TRIM5: variants seen among roughly 807,000 people sequenced by gnomAD.
TRIM5 encodes tripartite motif containing 5.
A neutral mutation model predicts 35.6 loss-of-function variants in TRIM5; 31 were observed. The ratio of observed to expected loss-of-function variants is 0.87; its 90% CI spans 0.65 to 1.18. The LOEUF (loss-of-function observed/expected upper bound fraction) is 1.18, where lower values mean the gene tolerates loss of function less well. Ranked by LOEUF, TRIM5 falls within the 50% of genes most tolerant of loss-of-function variation. The pLI, the probability that TRIM5 is intolerant of heterozygous loss-of-function variation, is 0.00. For missense variants in TRIM5, 609 were observed against 591.6 expected (o/e 1.03, Z -0.31); for synonymous variants, 243 against 215.6 (o/e 1.13, Z -1.11).
chr11:5,667,728 A>T lies in TRIM5; in HGVS notation c.745-17T>A. The T allele has an allele frequency of 6.2e-7, 1 of 1,613,082 alleles. No homozygotes were observed. Among genetic ancestry groups the T allele is most frequent in the South Asian group, 1.1e-5 (1 of 90,946 alleles). On this transcript the variant is annotated splice_polypyrimidine_tract_variant and intron_variant, in intron 4 of 7. Coordinates refer to ENST00000380034, the MANE Select transcript of TRIM5 (RefSeq NM_033034.3). Reference sequence around the variant, plus strand: ...ATCCACACCCTAGGAAGAAGAGAGAAAACATCAATTAAGAAAGAAAGAGTC... The same window carrying T: ...ATCCACACCCTAGGAAGAAGAGAGATAACATCAATTAAGAAAGAAAGAGTC...
intron 4 of TRIM5, among the ~76,000 whole-genome samples, chr11:5,675,368 G>A (rs1338960745): frequency 6.6e-6 from 1 of 152,164 alleles, no homozygotes; most frequent in Non-Finnish European, 1.5e-5. Flanking sequence ...GAGGAATACA[G>A]CATGAGAAAC....
the TRIM5 span, chr11:5,603,162 T>A: frequency 2.6e-6 from 4 of 1,528,532 alleles, no homozygotes; most frequent in Non-Finnish European, 3.5e-6. Context: ...GTCTGACCTC[T>A]TTATCCAGGA....
rs372260179 is a variant in TRIM5 at position 5,664,527 on chromosome 11, GAAGT to G, written c.*278_*281del. On this transcript the variant is annotated 3_prime_UTR_variant, in exon 8 of 8. Coordinates refer to ENST00000380034, the MANE Select transcript of TRIM5 (RefSeq NM_033034.3). The stretch of plus-strand genomic sequence containing the variant: ...GCAATTGGGTGATAAATATCTGGCA[GAAGT>G]AATACCTAAATAGCGGTCTCATTTT... 4.3e-5 allele frequency: 48 copies of G among 1,118,498 alleles called. No homozygotes were observed. The African/African-American group carries it at 6.3e-4, about 15-fold the overall frequency. 69.3% of individuals were successfully genotyped at this position (1,118,498 alleles called of 1,614,324 possible).
At chr11:5,671,786 C>G (rs1851607431) in intron 4 of TRIM5, among the ~76,000 whole-genome samples, 1 of 148,468 alleles carries the variant, frequency 6.7e-6, no homozygotes, top group South Asian at 2.2e-4. Flanking sequence ...ATGTATGTTG[C>G]TACATTTTCA....
At chr11:5,621,095 A>T in the TRIM5 span, among the ~76,000 whole-genome samples, 1 of 152,190 alleles carries the variant, frequency 6.6e-6, no homozygotes, top group Non-Finnish European at 1.5e-5. Flanking sequence ...ACTCATCCAT[A>T]GCAACTGGAG....
the TRIM5 span, chr11:5,605,705 A>G: frequency 1.9e-6 from 2 of 1,071,370 alleles, no homozygotes; most frequent in Non-Finnish European, 2.6e-6. Flanking sequence ...CCTATCCCCT[A>G]TTAAACTGTT....
chr11:5,666,028 C>G lies in TRIM5; in HGVS notation c.821G>C (p.Arg274Thr), dbSNP rs752893614. 22 of 1,613,496 alleles carry G rather than the reference C, an allele frequency of 1.4e-5. No homozygotes were observed. The East Asian group carries it at 4.0e-4, about 29-fold the overall frequency. Residue 274 changes from arginine to threonine, a missense_variant, in exon 6 of 8, where the codon AGA becomes ACA. Coordinates refer to ENST00000380034, the MANE Select transcript of TRIM5 (RefSeq NM_033034.3). ...KPETFPKNQR[R>T]VFRAPDLKGM... Reference sequence around the variant, plus strand: ...TTTCAGATCAGGAGCTCGAAACACTCTCCTTTGATTTTTTGGAAAAGTTTC... The same window carrying G: ...TTTCAGATCAGGAGCTCGAAACACTGTCCTTTGATTTTTTGGAAAAGTTTC...
rs1850966348 is a variant in TRIM5 at position 5,664,314 on chromosome 11, C to T, written c.*495G>A. On this transcript the variant is annotated 3_prime_UTR_variant, in exon 8 of 8. Transcript: ENST00000380034. ...GAGAGACAGGAGTTGAACTGAGATC[C>T]TCTAGATACAAAACCTCTATACTTA... 1.0e-6 allele frequency: 1 copy of T among 986,378 alleles called. No individual in the cohort carries two copies. The highest frequency in any genetic ancestry group is 1.2e-6 in the Non-Finnish European group (1 of 830,762). The allele number at this position is 986,378 out of a possible 1,614,324, so 61.1% of individuals were successfully genotyped here.
At chr11:5,652,922 G>A in the TRIM5 span, among the ~76,000 whole-genome samples, 1 of 150,314 alleles carries the variant, frequency 6.7e-6, no homozygotes, top group Admixed American at 6.7e-5. Context: ...CGTGATCTCA[G>A]CTCACTGCAA....
In TRIM5 at chr11:5,665,131, A is replaced by G. The variant is rs751901283; in HGVS notation, c.1160T>C (p.Ile387Thr). ...AGGTTGATAATTTTCATTTTTTTCA[A>G]TATTACACATTGCATCAGGTTGGAA... Reference protein sequence around the residue: ...AGFQPDAMCNIEKNENYQPKY... With the variant: ...AGFQPDAMCNTEKNENYQPKY... The change falls in exon 8 of 8, where the codon ATT becomes ACT. Residue 387 changes from isoleucine (I) to threonine (T), a missense_variant. Physicochemically the swap from Ile to Thr is moderately conservative, Grantham distance 89. Coordinates refer to ENST00000380034, the MANE Select transcript of TRIM5 (RefSeq NM_033034.3). 16 of 1,613,954 alleles carry G rather than the reference A, an allele frequency of 9.9e-6. No individual in the cohort carries two copies. Among genetic ancestry groups the G allele is most frequent in the Middle Eastern group, 1.6e-4 (1 of 6,084 alleles).
chr11:5,634,528 C>CATATATATATATATATAT, the TRIM5 span: 54 of 530,364 alleles, frequency 1.0e-4, no homozygotes, highest in African/African-American at 1.2e-3. Context: ...CACACACACA[C>CATATATATATATATATAT]ACATATATAT....
Position 5,663,452 on chromosome 11 carries a change from A to C in TRIM5, c.*1357T>G. On this transcript the variant is annotated 3_prime_UTR_variant, in exon 8 of 8. Coordinates refer to ENST00000380034, the MANE Select transcript of TRIM5 (RefSeq NM_033034.3). ...TAAAAAATGAGAATTTAGTAAATCC[A>C]ATCCTAGTTTCCCTGAAGGCACAAC... 1.0e-6 allele frequency: 1 copy of C among 985,324 alleles called. No homozygotes were observed. Among genetic ancestry groups the C allele is most frequent in the Non-Finnish European group, 1.2e-6 (1 of 829,844 alleles). 61.0% of individuals were successfully genotyped at this position (985,324 alleles called of 1,614,324 possible).
the TRIM5 span, chr11:5,596,863 T>C: frequency 6.2e-7 from 1 of 1,613,882 alleles, no homozygotes; most frequent in Non-Finnish European, 8.5e-7. Flanking sequence ...CTGATATTGC[T>C]TACATCTGGA....
At chr11:5,640,234 G>C in the TRIM5 span, among the ~76,000 whole-genome samples, 2 of 152,174 alleles carry the variant, frequency 1.3e-5, no homozygotes, top group Non-Finnish European at 2.9e-5. Flanking sequence ...TCACCACAAA[G>C]TATGATGTTA....
At chr11:5,611,173 T>C in the TRIM5 span, 177 of 1,614,156 alleles carry the variant, frequency 1.1e-4, no homozygotes, top group Middle Eastern at 4.0e-3. Flanking sequence ...CCTCGCCGTG[T>C]TGGGGTTTTC....
At chr11:5,602,427 A>G in the TRIM5 span, among the ~76,000 whole-genome samples, 1 of 151,712 alleles carries the variant, frequency 6.6e-6, no homozygotes, top group Non-Finnish European at 1.5e-5. Flanking sequence ...TGGGCGACAG[A>G]GCAAGACCCC....
chr11:5,665,781 G>A, intron 6 of TRIM5, 99 bp from the exon 7 acceptor site: 1 of 1,433,402 alleles, frequency 7.0e-7, no homozygotes, highest in South Asian at 1.6e-5. Context: ...TATGCCCTAT[G>A]GTAGGGCAGT....
Position 5,680,122 on chromosome 11 carries a change from A to G in TRIM5, c.56T>C (p.Leu19Pro), listed in dbSNP as rs1176718153. ...GCTCAGGGGTTGTGTCAGGAGTTCC[A>G]GGCAGATGGGGCAGGTCACCTCCTC... The part of the protein sequence containing the change: ...VKEEVTCPIC[L>P]ELLTQPLSLD... Residue 19 changes from leucine (L) to proline (P), a missense_variant, in exon 2 of 8, where the codon CTG (leucine) becomes CCG (proline). Leu to Pro is a moderately conservative substitution (Grantham distance 98). Coordinates refer to ENST00000380034, the MANE Select transcript of TRIM5 (RefSeq NM_033034.3). 1 of 1,614,018 alleles carries G rather than the reference A, an allele frequency of 6.2e-7. No individual in the cohort carries two copies. The highest frequency in any genetic ancestry group is 1.7e-5 in the Admixed American group (1 of 59,998).
chr11:5,641,207 G>C, the TRIM5 span: 12,397 of 1,613,746 alleles, frequency 7.7e-3, 790 homozygotes, highest in African/African-American at 0.14. Flanking sequence ...TGGGTGGCCA[G>C]GAGTGGTGCT....
Sources: gnomAD v4.1 joint callset for allele counts (sites outside exome capture counted in the v4.1 genomes callset) on GRCh38, gnomAD v4.1.1 for gene constraint, MANE v1.5 for transcripts, NCBI Gene and HGNC (gene_info 2026-07-23, HGNC 2026-07-21) for gene names.